RAG1: variants seen among roughly 807,000 people sequenced by gnomAD.
The protein encoded by RAG1 is V(D)J recombination-activating protein 1.
In RAG1, 35 loss-of-function variants were observed where a neutral mutation model predicts 62.7. The observed-to-expected ratio is 0.56, with a 90% CI of 0.43 to 0.74. The LOEUF is 0.74. RAG1 is among the 30% of genes least tolerant of loss of function. The probability of loss-of-function intolerance (pLI) is 0.00; values close to 1 mark genes in which losing one functional copy is unlikely to be tolerated. For synonymous variants in RAG1, 461 were observed against 470.3 expected, an observed-to-expected ratio of 0.98 and a Z score of 0.26; for missense variants, 1,169 against 1,278.6, an observed-to-expected ratio of 0.91 and a Z score of 1.31.
chr11:36,565,454 C>T (rs1850648697), upstream of RAG1, among the ~76,000 whole-genome samples: 1 of 152,182 alleles, frequency 6.6e-6, no homozygotes, highest in Non-Finnish European at 1.5e-5. Flanking sequence ...AGTGAAGGGC[C>T]TGTCGGCACT....
At chr11:36,549,648 T>C (rs913435144) in intron 3 of RAG1, among the ~76,000 whole-genome samples, 2 of 152,176 alleles carry the variant, frequency 1.3e-5, no homozygotes, top group Non-Finnish European at 2.9e-5. Flanking sequence ...GAATAGGAAC[T>C]CTTTTACATG....
In RAG1 at chr11:36,573,960, G is replaced by A. The variant is rs764179803; in HGVS notation, c.656G>A (p.Arg219Gln). The change falls in exon 2 of 2, where the codon CGG becomes CAG. Residue 219 changes from arginine to glutamine, a missense_variant. By Grantham distance (43) the Arg-to-Gln change is conservative. This residue lies in a region of RAG1 where 369 missense variants were observed against 335.3 expected (regional missense o/e 1.10). Coordinates refer to ENST00000299440, the MANE Select transcript of RAG1 (RefSeq NM_000448.3). ...TGTGACATCTGCAACACTGCCCGTC[G>A]GGGACTCAAGAGGAAGAGTCTTCAG... ...PSCDICNTAR[R>Q]GLKRKSLQPN... The A allele has an allele frequency of 2.2e-5, 36 of 1,614,086 alleles. No individual in the cohort carries two copies. The highest frequency in any genetic ancestry group is 5.5e-5 in the South Asian group (5 of 91,078).
chr11:36,523,749 T>C (rs1860116370), intron 2 of RAG1, among the ~76,000 whole-genome samples: 1 of 152,176 alleles, frequency 6.6e-6, no homozygotes, highest in Non-Finnish European at 1.5e-5. Flanking sequence ...TTTAAAAAAA[T>C]TACACTTTCA....
In RAG1 at chr11:36,575,710, C is replaced by T. The variant is rs1407789048; in HGVS notation, c.2406C>T (p.Gly802=). The T allele has an allele frequency of 1.2e-6, 2 of 1,614,192 alleles. No homozygotes were observed. The highest frequency in any genetic ancestry group is 3.3e-5 in the Admixed American group (2 of 60,022). ...TAGATGCACTCCACTGTGACATTGG[C>T]AATGCAGCTGAGTTCTACAAGATCT... The part of the protein sequence containing the change: ...PSIDALHCDI[G]NAAEFYKIFQ... Residue 802 remains glycine, a synonymous_variant, in exon 2 of 2, where the codon GGC becomes GGT. Coordinates refer to ENST00000299440, the MANE Select transcript of RAG1 (RefSeq NM_000448.3). The surrounding 1 kb of genome is among the most constrained non-coding windows in gnomAD (Gnocchi z 4.1).
At chr11:36,566,028 A>G (rs1437262433), upstream of RAG1, 1 of 152,264 alleles carries the variant, frequency 6.6e-6, no homozygotes, top group Admixed American at 6.5e-5. Context: ...ATAAAAGTAT[A>G]CATGACTGAT....
At chr11:36,522,748 A>G (rs1035491795) in intron 2 of RAG1, among the ~76,000 whole-genome samples, 1 of 152,240 alleles carries the variant, frequency 6.6e-6, no homozygotes, top group African/African-American at 2.4e-5. Context: ...GTACCCTGCA[A>G]AGCCACAGGG....
At chr11:36,517,201 C>G (rs1297423331) in intron 1 of RAG1, among the ~76,000 whole-genome samples, 1 of 152,154 alleles carries the variant, frequency 6.6e-6, no homozygotes, top group African/African-American at 2.4e-5. Context: ...TCTTGAATTG[C>G]CCACAATGTA....
chr11:36,529,260 C>A (rs1860214118), intron 2 of RAG1, among the ~76,000 whole-genome samples: 2 of 152,040 alleles, frequency 1.3e-5, no homozygotes, highest in African/African-American at 2.4e-5. Context: ...ACTGGCAAAC[C>A]ACATCCAGCA....
At chr11:36,528,977 G>T (rs1860209788) in intron 2 of RAG1, among the ~76,000 whole-genome samples, 2 of 152,100 alleles carry the variant, frequency 1.3e-5, no homozygotes, top group Admixed American at 6.6e-5. Flanking sequence ...ACCAATAACA[G>T]GTTCTGAAAT....
intron 3 of RAG1, among the ~76,000 whole-genome samples, chr11:36,547,079 A>T (rs1850405268): frequency 6.6e-6 from 1 of 151,946 alleles, no homozygotes. Context: ...TGTTCTCTGT[A>T]GTTCCTGAAT....
At chr11:36,519,037 TTAAA>T (rs1860037958) in intron 1 of RAG1, among the ~76,000 whole-genome samples, 1 of 152,258 alleles carries the variant, frequency 6.6e-6, no homozygotes, top group Non-Finnish European at 1.5e-5. Context: ...ATCAATTATG[TTAAA>T]TAAATAATGT....
chr11:36,573,453 A>C lies in RAG1; in HGVS notation c.149A>C (p.Lys50Thr), dbSNP rs776727182. ...CCTGAAGAAGCTCAAAAGGAAAAGA[A>C]GGATTCCTTTGAGGGGAAACCCTCT... ...KTPEEAQKEK[K>T]DSFEGKPSLE... The change falls in exon 2 of 2, where the codon AAG (lysine) becomes ACG (threonine). Residue 50 changes from lysine to threonine, a missense_variant. Lys to Thr is a moderately conservative substitution (Grantham distance 78). This residue lies in a region of RAG1 where 369 missense variants were observed against 335.3 expected (regional missense o/e 1.10). Transcript: ENST00000299440. The C allele has an allele frequency of 6.2e-7, 1 of 1,614,196 alleles. No individual in the cohort carries two copies. Among genetic ancestry groups the C allele is most frequent in the South Asian group, 1.1e-5 (1 of 91,086 alleles).
In RAG1 at chr11:36,573,737, G is replaced by A. The variant is rs755905192; in HGVS notation, c.433G>A (p.Glu145Lys). 8.7e-6 allele frequency: 14 copies of A among 1,613,936 alleles called. No individual in the cohort carries two copies. The South Asian group carries it at 1.5e-4, about 18-fold the overall frequency. Residue 145 changes from glutamate (E) to lysine (K), a missense_variant, in exon 2 of 2, where the codon GAA becomes AAA. By Grantham distance (56) the Glu-to-Lys change is moderately conservative. Transcript: ENST00000299440. ...GKTLGLLRKK[E>K]KRATSWPDLI... ...AACCCTAGGCCTTTTACGAAAGAAG[G>A]AAAAGAGAGCTACTTCCTGGCCGGA... is the stretch of plus-strand genomic sequence containing the variant.
intron 3 of RAG1, among the ~76,000 whole-genome samples, chr11:36,549,910 A>G (rs535990141): frequency 1.3e-5 from 2 of 152,362 alleles, no homozygotes; most frequent in African/African-American, 2.4e-5. Context: ...TGTGGCACAT[A>G]TACACCATAG....
At chr11:36,573,171 A>G in intron 1 of RAG1, 120 bp from the exon 2 acceptor site, 3 of 1,020,612 alleles carry the variant, frequency 2.9e-6, no homozygotes, top group Non-Finnish European at 4.3e-6. Context: ...TAGAAGATTT[A>G]ATACATATCT....
downstream of RAG1, among the ~76,000 whole-genome samples, chr11:36,536,634 A>ATGAAT (rs1554941793): frequency 1.3e-5 from 2 of 151,560 alleles, no homozygotes; most frequent in Non-Finnish European, 2.9e-5. Flanking sequence ...TAAAAGACAA[A>ATGAAT]TAAGAAGAAA....
At chr11:36,526,283 T>C (rs949312748) in intron 2 of RAG1, among the ~76,000 whole-genome samples, 4 of 133,798 alleles carry the variant, frequency 3.0e-5, no homozygotes, top group African/African-American at 1.1e-4. Context: ...CCTCCCTGTG[T>C]CCATGTGTTC....
upstream of RAG1, among the ~76,000 whole-genome samples, chr11:36,565,124 T>C (rs979415501): frequency 2.0e-5 from 3 of 152,214 alleles, no homozygotes; most frequent in African/African-American, 7.2e-5. Context: ...ACAAGAGTTT[T>C]GCTAGTTAGA....
At chr11:36,539,503 G>A (rs528672145), downstream of RAG1, among the ~76,000 whole-genome samples, 9 of 152,072 alleles carry the variant, frequency 5.9e-5, no homozygotes, top group South Asian at 6.2e-4. Context: ...TAGTTTTTTC[G>A]AGACAGAGTC....
Sources: allele counts gnomAD v4.1 joint callset (sites outside exome capture counted in the v4.1 genomes callset), GRCh38; gene constraint gnomAD v4.1.1; regional missense constraint gnomAD v4.1.1; non-coding constraint Gnocchi (gnomAD v3.1); transcripts MANE v1.5; gene names NCBI Gene and HGNC (gene_info 2026-07-23, HGNC 2026-07-21).